HECW1: variants seen among roughly 807,000 people sequenced by gnomAD.
The protein encoded by HECW1 is E3 ubiquitin-protein ligase HECW1.
HECW1 carries 61 observed loss-of-function variants against 182.3 expected under a neutral mutation model. That is an observed-to-expected ratio of 0.33 (90% confidence interval 0.27 to 0.41). The LOEUF is 0.41. Among genes scored for constraint, HECW1 ranks in the 10% least tolerant of loss-of-function variants. The probability of loss-of-function intolerance (pLI) is 1.00; values close to 1 mark genes in which losing one functional copy is unlikely to be tolerated. For missense variants in HECW1, 1,739 were observed against 2,108.9 expected (o/e 0.82, Z 3.44); for synonymous variants, 859 against 832.6 (o/e 1.03, Z -0.55).
At chr7:43,295,570 C>G (rs1284920964) in intron 3 of HECW1, among the ~76,000 whole-genome samples, 2 of 152,152 alleles carry the variant, frequency 1.3e-5, no homozygotes, top group Non-Finnish European at 2.9e-5. Flanking sequence ...TGGAGGGAGA[C>G]TTTCCCTAGA....
At chr7:43,320,272 C>A (rs1809928203) in intron 4 of HECW1, among the ~76,000 whole-genome samples, 1 of 152,202 alleles carries the variant, frequency 6.6e-6, no homozygotes, top group African/African-American at 2.4e-5. Context: ...AAATAGGGAT[C>A]AGTTCATAGA....
chr7:43,308,332 A>C (rs10251744), intron 3 of HECW1, among the ~76,000 whole-genome samples: 13,523 of 129,104 alleles, frequency 0.1, 2,806 homozygotes, highest in African/African-American at 0.39. Context: ...TGATATATTT[A>C]TATATATTAT....
chr7:43,332,935 G>A (rs903934271), intron 5 of HECW1, among the ~76,000 whole-genome samples: 1 of 152,136 alleles, frequency 6.6e-6, no homozygotes, highest in Admixed American at 6.5e-5. Context: ...AATTCAACCG[G>A]TCCCATAGTC....
intron 21 of HECW1, among the ~76,000 whole-genome samples, chr7:43,502,150 T>A (rs904133910): frequency 4.6e-5 from 7 of 152,246 alleles, no homozygotes; most frequent in Non-Finnish European, 8.8e-5. Context: ...TTCTGCCTTG[T>A]GACTCTGAAT....
At chr7:43,424,791 G>T (rs1247562637) in intron 8 of HECW1, among the ~76,000 whole-genome samples, 1 of 152,082 alleles carries the variant, frequency 6.6e-6, no homozygotes, top group Non-Finnish European at 1.5e-5. Context: ...CATGTATTAT[G>T]TAATTATCAC....
At chr7:43,363,436 A>G (rs1211389621) in intron 6 of HECW1, among the ~76,000 whole-genome samples, 1 of 152,106 alleles carries the variant, frequency 6.6e-6, no homozygotes, top group East Asian at 1.9e-4. Context: ...ATTTTGACAT[A>G]TTGCTGTCAC....
chr7:43,364,108 T>C (rs887649410), intron 6 of HECW1, among the ~76,000 whole-genome samples: 1 of 152,230 alleles, frequency 6.6e-6, no homozygotes, highest in Non-Finnish European at 1.5e-5. Context: ...CATTATATCA[T>C]GTCCCCAAAG....
intron 2 of HECW1, among the ~76,000 whole-genome samples, chr7:43,156,755 C>T (rs1311449293): frequency 1.3e-5 from 2 of 150,274 alleles, no homozygotes; most frequent in African/African-American, 5.0e-5. Context: ...ATGTGATCTG[C>T]ACTGGCCAGT....
intron 24 of HECW1, among the ~76,000 whole-genome samples, chr7:43,526,261 C>G (rs577193839): frequency 6.6e-6 from 1 of 152,296 alleles, no homozygotes; most frequent in East Asian, 1.9e-4. Flanking sequence ...TTACAGAATG[C>G]TACATCAGTT....
intron 24 of HECW1, chr7:43,511,573 G>A (rs2079873370): frequency 6.6e-6 from 1 of 152,214 alleles, no homozygotes; most frequent in Non-Finnish European, 1.5e-5. Flanking sequence ...AGGGAAACTG[G>A]TTTTCTTTGC....
intron 6 of HECW1, among the ~76,000 whole-genome samples, chr7:43,385,300 C>G (rs1422543184): frequency 2.0e-5 from 2 of 99,304 alleles, no homozygotes; most frequent in East Asian, 7.4e-4. Flanking sequence ...CCTCCCCTCT[C>G]CCCTCCCCTC....
At chr7:43,263,765 G>A (rs1801442457) in intron 3 of HECW1, among the ~76,000 whole-genome samples, 1 of 152,176 alleles carries the variant, frequency 6.6e-6, no homozygotes, top group Admixed American at 6.5e-5. Flanking sequence ...GGGAGGGAGA[G>A]AGAGGGGACC....
chr7:43,323,964 G>T (rs537073344), intron 5 of HECW1, among the ~76,000 whole-genome samples: 1 of 152,256 alleles, frequency 6.6e-6, no homozygotes, highest in African/African-American at 2.4e-5. Context: ...AACCAGGGAG[G>T]CGGAGGTTGC....
chr7:43,154,518 G>A (rs112480335), intron 2 of HECW1, among the ~76,000 whole-genome samples: 16 of 152,214 alleles, frequency 1.1e-4, no homozygotes, highest in East Asian at 1.9e-4. Flanking sequence ...TTATATTCTC[G>A]TTGTAGTAAT....
rs1298146439 is a variant in HECW1 at position 43,456,523 on chromosome 7, A to G, written c.2651+76A>G. 7.6e-6 allele frequency: 11 copies of G among 1,439,346 alleles called. No homozygotes were observed. The Admixed American group carries it at 1.9e-4, about 25-fold the overall frequency. 89.2% of individuals were successfully genotyped at this position (1,439,346 alleles called of 1,614,324 possible). On this transcript the variant is annotated intron_variant, in intron 13 of 29. Coordinates refer to ENST00000395891, the MANE Select transcript of HECW1 (RefSeq NM_015052.5). ...TGGCAGCTAGAGACGCTCCCCTTAC[A>G]CTTTTCTGCTCAGACTGTATGAGGA... is the stretch of plus-strand genomic sequence containing the variant.
At chr7:43,163,008 T>C (rs2152658735) in intron 2 of HECW1, 1 of 152,324 alleles carries the variant, frequency 6.6e-6, no homozygotes, top group East Asian at 1.9e-4. Flanking sequence ...TTACCTTTGT[T>C]AGACTCCAAA....
At chr7:43,414,583 G>T (rs2075922898) in intron 8 of HECW1, among the ~76,000 whole-genome samples, 2 of 151,760 alleles carry the variant, frequency 1.3e-5, no homozygotes, top group African/African-American at 4.8e-5. Flanking sequence ...TATGATATTG[G>T]CTGTGGGTTT....
intron 24 of HECW1, among the ~76,000 whole-genome samples, chr7:43,529,325 T>C (rs1404919690): frequency 6.6e-6 from 1 of 152,030 alleles, no homozygotes; most frequent in Non-Finnish European, 1.5e-5. Flanking sequence ...CCCTCCCTGC[T>C]CCATGCTTGC....
chr7:43,523,614 G>A (rs1200389145), intron 24 of HECW1, among the ~76,000 whole-genome samples: 1 of 152,108 alleles, frequency 6.6e-6, no homozygotes, highest in Non-Finnish European at 1.5e-5. Context: ...ACTCCAGCCT[G>A]AGCAACAAGA....
Sources: allele counts gnomAD v4.1 joint callset (sites outside exome capture counted in the v4.1 genomes callset), GRCh38; gene constraint gnomAD v4.1.1; transcripts MANE v1.5; gene names NCBI Gene and HGNC (gene_info 2026-07-23, HGNC 2026-07-21).